RAPGEF4: variants seen among roughly 807,000 people sequenced by gnomAD.
The protein encoded by RAPGEF4 is Rap guanine nucleotide exchange factor 4.
In RAPGEF4, 66 loss-of-function variants were observed where a neutral mutation model predicts 147.9. The ratio of observed to expected loss-of-function variants is 0.45; its 90% CI spans 0.37 to 0.55. RAPGEF4 has a LOEUF of 0.55. Among genes scored for constraint, RAPGEF4 ranks in the 20% least tolerant of loss-of-function variants. The pLI is 0.00. For synonymous variants in RAPGEF4, 419 were observed against 442.7 expected, an observed-to-expected ratio of 0.95 and a Z score of 0.67; for missense variants, 1,071 against 1,257.3, an observed-to-expected ratio of 0.85 and a Z score of 2.24.
chr2:172,840,815 C>G (rs986230206), intron 4 of RAPGEF4, among the ~76,000 whole-genome samples: 1 of 152,208 alleles, frequency 6.6e-6, no homozygotes, highest in Non-Finnish European at 1.5e-5. Flanking sequence ...TCTTAGAGAT[C>G]ACTCATTGCC....
At chr2:173,024,217 T>TC (rs1696414873) in intron 23 of RAPGEF4, among the ~76,000 whole-genome samples, 1 of 47,064 alleles carries the variant, frequency 2.1e-5, no homozygotes, top group African/African-American at 5.3e-5. Flanking sequence ...TTTTTTTTAT[T>TC]ATTTTTTTTT....
intron 6 of RAPGEF4, chr2:172,928,077 C>T: frequency 2.5e-6 from 1 of 397,486 alleles, no homozygotes; most frequent in South Asian, 1.9e-5. Flanking sequence ...GTAAATACTC[C>T]TTTCATTAGC....
intron 4 of RAPGEF4, among the ~76,000 whole-genome samples, chr2:172,822,623 A>G (rs1689190603): frequency 6.6e-6 from 1 of 151,710 alleles, no homozygotes; most frequent in Non-Finnish European, 1.5e-5. Flanking sequence ...GTAGGGTACT[A>G]TAACCAGTAG....
chr2:172,784,349 TC>T (rs1684980092), intron 1 of RAPGEF4, among the ~76,000 whole-genome samples: 1 of 151,920 alleles, frequency 6.6e-6, no homozygotes, highest in Non-Finnish European at 1.5e-5. Context: ...AAACCCCATC[TC>T]CACTAAAAAT....
chr2:172,868,641 T>C (rs1694888929), intron 4 of RAPGEF4, among the ~76,000 whole-genome samples: 1 of 152,242 alleles, frequency 6.6e-6, no homozygotes, highest in South Asian at 2.1e-4. Flanking sequence ...CTGACAGTAC[T>C]TATTAATTCA....
chr2:173,027,302 T>G (rs1696757742), intron 25 of RAPGEF4, 43 bp downstream of exon 25: 2 of 1,481,776 alleles, frequency 1.3e-6, no homozygotes, highest in Non-Finnish European at 1.8e-6. Context: ...AATGTTGAGC[T>G]GTGTTTTCAT....
chr2:172,853,172 C>T (rs1218197912), intron 4 of RAPGEF4, among the ~76,000 whole-genome samples: 1 of 151,892 alleles, frequency 6.6e-6, no homozygotes, highest in Non-Finnish European at 1.5e-5. Flanking sequence ...TGGGGATTGT[C>T]CCATCCTCCT....
chr2:172,784,061 T>C (rs1212963714), intron 1 of RAPGEF4, among the ~76,000 whole-genome samples: 1 of 152,244 alleles, frequency 6.6e-6, no homozygotes, highest in Non-Finnish European at 1.5e-5. Flanking sequence ...CCCATTTCCA[T>C]TGTGCTACTT....
chr2:172,889,682 TACAG>T (rs1185326072), intron 4 of RAPGEF4: 10 of 177,178 alleles, frequency 5.6e-5, no homozygotes, highest in African/African-American at 2.4e-4. Flanking sequence ...ACTGTGAGAA[TACAG>T]ACACACACAC....
At chr2:172,918,371 CCACACACACACACACACACACACACA>C (rs377074360) in intron 5 of RAPGEF4, among the ~76,000 whole-genome samples, 2 of 137,638 alleles carry the variant, frequency 1.5e-5, no homozygotes, top group Admixed American at 7.3e-5. Flanking sequence ...GATGCTCTTA[CCACACACACACACACACACACACACA>C]CACACACACA....
chr2:172,796,517 C>T (rs1023397910), intron 2 of RAPGEF4, among the ~76,000 whole-genome samples: 3 of 151,990 alleles, frequency 2.0e-5, no homozygotes, highest in Non-Finnish European at 4.4e-5. Context: ...CCCAGGAGGC[C>T]GAGGTTGCAG....
At chr2:172,966,570 A>G (rs907333219) in intron 9 of RAPGEF4, among the ~76,000 whole-genome samples, 24 of 152,192 alleles carry the variant, frequency 1.6e-4, no homozygotes, top group Non-Finnish European at 2.5e-4. Context: ...AAAGGGGCTC[A>G]AGGCTGTAAG....
At chr2:172,908,255 A>T (rs62174625) in intron 4 of RAPGEF4, among the ~76,000 whole-genome samples, 30,945 of 152,286 alleles carry the variant, frequency 0.2, 3,982 homozygotes, top group Middle Eastern at 0.29. Flanking sequence ...GTATAAAAAT[A>T]ATCCTTTAAA....
At chr2:172,857,169 C>CGT (rs1037222578) in intron 4 of RAPGEF4, among the ~76,000 whole-genome samples, 8 of 117,092 alleles carry the variant, frequency 6.8e-5, no homozygotes, top group Middle Eastern at 5.6e-3. Flanking sequence ...CGCGCGTGTG[C>CGT]GCGCGCACAC....
At chr2:172,996,443 T>C in intron 15 of RAPGEF4, 23 bp from the exon 16 acceptor site, 1 of 1,409,178 alleles carries the variant, frequency 7.1e-7, no homozygotes, top group East Asian at 2.5e-5. Flanking sequence ...GAAAAATTAA[T>C]GGCATTTTTG....
In RAPGEF4 at chr2:172,961,048, A is replaced by G. The variant is rs552478857; in HGVS notation, c.592-74A>G. On this transcript the variant is annotated intron_variant, in intron 7 of 30. Coordinates refer to ENST00000397081, the MANE Select transcript of RAPGEF4 (RefSeq NM_007023.4). ...CAGAGTCAGATTGGAAAGTGGTTTC[A>G]GGATTTGTTTGGTTTGTTTTCCTTC... The G allele has an allele frequency of 1.3e-4, 150 of 1,176,366 alleles. No homozygotes were observed. In the African/African-American group the frequency reaches 1.3e-3, roughly 10 times the overall value. The allele number at this position is 1,176,366 out of a possible 1,614,324, so 72.9% of individuals were successfully genotyped here.
At chr2:172,892,086 C>T (rs1268630621) in intron 4 of RAPGEF4, among the ~76,000 whole-genome samples, 1 of 152,036 alleles carries the variant, frequency 6.6e-6, no homozygotes, top group Non-Finnish European at 1.5e-5. Flanking sequence ...GCCCTTTGCC[C>T]TGTGAATGGT....
At chr2:172,847,446 A>G (rs944649813) in intron 4 of RAPGEF4, among the ~76,000 whole-genome samples, 21 of 152,104 alleles carry the variant, frequency 1.4e-4, no homozygotes, top group African/African-American at 5.1e-4. Flanking sequence ...CCCTGCCACC[A>G]CCTGGCTCAT....
chr2:172,915,662 C>T (rs2553010), intron 4 of RAPGEF4, among the ~76,000 whole-genome samples: 141,445 of 148,578 alleles, frequency 0.95, 67,764 homozygotes, highest in East Asian at 1. Context: ...CGAGATTGCT[C>T]GACTGCACTC....
Sources: gnomAD v4.1 joint callset for allele counts (sites outside exome capture counted in the v4.1 genomes callset) on GRCh38, gnomAD v4.1.1 for gene constraint, MANE v1.5 for transcripts, NCBI Gene and HGNC (gene_info 2026-07-23, HGNC 2026-07-21) for gene names.